THEMIS: variants seen among roughly 807,000 people sequenced by gnomAD.
THEMIS encodes the protein protein THEMIS.
A neutral mutation model predicts 52.6 loss-of-function variants in THEMIS; 37 were observed. That is an observed-to-expected ratio of 0.70 (90% CI 0.54 to 0.93). The LOEUF (loss-of-function observed/expected upper bound fraction) is 0.93. Ranked by LOEUF, THEMIS falls within the 40% of genes least tolerant of loss-of-function variation. The pLI, the probability that THEMIS is intolerant of heterozygous loss-of-function variation, is 0.00. For missense variants in THEMIS, 808 were observed against 763.1 expected (o/e 1.06, Z -0.69); for synonymous variants, 292 against 272.7 (o/e 1.07, Z -0.70).
At chr6:127,718,224 C>T (rs1307392637) in intron 5 of THEMIS, among the ~76,000 whole-genome samples, 1 of 151,754 alleles carries the variant, frequency 6.6e-6, no homozygotes, top group African/African-American at 2.4e-5. Context: ...AAAATATTGC[C>T]AAGATGTTCA....
At chr6:127,885,115 T>TA (rs200152348) in intron 1 of THEMIS, among the ~76,000 whole-genome samples, 6,557 of 152,212 alleles carry the variant, frequency 0.043, 199 homozygotes, top group Non-Finnish European at 0.06. Flanking sequence ...ACACATATTA[T>TA]AAAAATAATG....
At chr6:127,853,473 G>A (rs781122266) in intron 2 of THEMIS, among the ~76,000 whole-genome samples, 6 of 151,534 alleles carry the variant, frequency 4.0e-5, no homozygotes, top group Non-Finnish European at 8.9e-5. Context: ...CTAATGTGCA[G>A]CCAAATTTGA....
At chr6:127,750,251 T>C (rs1400620081) in intron 4 of THEMIS, among the ~76,000 whole-genome samples, 1 of 151,602 alleles carries the variant, frequency 6.6e-6, no homozygotes, top group Non-Finnish European at 1.5e-5. Flanking sequence ...GAAAAGATAT[T>C]TTCCCTTGAG....
chr6:127,854,322 A>G (rs1779527598), intron 2 of THEMIS, among the ~76,000 whole-genome samples: 1 of 151,838 alleles, frequency 6.6e-6, no homozygotes, highest in African/African-American at 2.4e-5. Flanking sequence ...GGTGTGACAG[A>G]GACCCTCTGG....
chr6:127,787,858 G>GAT (rs1554224566), intron 4 of THEMIS, among the ~76,000 whole-genome samples: 27 of 130,962 alleles, frequency 2.1e-4, no homozygotes, highest in East Asian at 1.1e-3. Flanking sequence ...GATATAGATA[G>GAT]ATAGATAGAT....
intron 1 of THEMIS, among the ~76,000 whole-genome samples, chr6:127,883,970 A>G (rs1780567840): frequency 6.6e-6 from 1 of 152,180 alleles, no homozygotes; most frequent in Non-Finnish European, 1.5e-5. Context: ...TAAAAAAAGA[A>G]CATGGCACAC....
chr6:127,791,036 C>T lies in THEMIS; in HGVS notation c.1758+21847G>A, dbSNP rs1276415190. ...GTCTGAAGGGCTGAAACTCTTCTCT[C>T]CTTCTTTCTTATCTTTTTCTTGTTG... On this transcript the variant is annotated intron_variant, in intron 4 of 5. Coordinates refer to ENST00000368248, the MANE Select transcript of THEMIS (RefSeq NM_001010923.3). Among the ~76,000 whole-genome samples, 3 of 152,214 alleles carry T rather than the reference C, an allele frequency of 2.0e-5. No individual in the cohort carries two copies. In the East Asian group the frequency reaches 5.8e-4, roughly 29 times the overall value.
chr6:127,798,572 G>T (rs1777409687), intron 4 of THEMIS, among the ~76,000 whole-genome samples: 1 of 152,156 alleles, frequency 6.6e-6, no homozygotes, highest in Non-Finnish European at 1.5e-5. Flanking sequence ...CAGTGTTCAT[G>T]TCTTGGGAAT....
At chr6:127,913,234 C>A (rs957369328) in intron 1 of THEMIS, among the ~76,000 whole-genome samples, 1 of 152,168 alleles carries the variant, frequency 6.6e-6, no homozygotes, top group East Asian at 1.9e-4. Context: ...CTCTTATACT[C>A]ATCACTTAAG....
rs17055131 is a variant in THEMIS at position 127,917,325 on chromosome 6, A to T, written c.-150+1103T>A. ...AGATGCTTCTAGTAACAACTTCTAT[A>T]TCAATTAGGATCCTTTGGTTGCAAG... is the stretch of plus-strand genomic sequence containing the variant. On this transcript the variant is annotated intron_variant, in intron 1 of 6. Transcript: ENST00000368250. Among the ~76,000 whole-genome samples the T allele has an allele frequency of 3.0e-3, 462 of 152,324 alleles. 2 individuals are homozygous for T. The highest frequency in any genetic ancestry group is 0.01 in the African/African-American group (429 of 41,564).
chr6:127,698,570 T>C, the THEMIS span, among the ~76,000 whole-genome samples: 163 of 152,236 alleles, frequency 1.1e-3, 1 homozygote, highest in African/African-American at 3.1e-3. Flanking sequence ...CCTCCTGTTA[T>C]AATGTTTATC....
At chr6:127,724,585 G>A (rs886929225) in intron 4 of THEMIS, among the ~76,000 whole-genome samples, 6 of 152,036 alleles carry the variant, frequency 3.9e-5, no homozygotes, top group African/African-American at 4.8e-5. Flanking sequence ...CGCTGTAGTC[G>A]TACTTCAAAA....
rs187707640 is a variant in THEMIS, at chr6:127,843,400, A to T, written c.250+11630T>A. 1.1e-3 allele frequency among the ~76,000 whole-genome samples: 164 copies of T among 152,028 alleles called. 1 individual carries two copies. The highest frequency in any genetic ancestry group is 3.8e-3 in the African/African-American group (159 of 41,524). On this transcript the variant is annotated intron_variant, in intron 2 of 5. Transcript: ENST00000368248. ...GTAGCCATTGTGCTGAGCACTTGAA[A>T]TGTGGCTACTTGAATTTGGACAGTC...
At chr6:127,894,536 A>G (rs1780906187) in intron 1 of THEMIS, among the ~76,000 whole-genome samples, 1 of 151,988 alleles carries the variant, frequency 6.6e-6, no homozygotes, top group Non-Finnish European at 1.5e-5. Context: ...ATAGTTTAAA[A>G]CACATTTATC....
chr6:127,782,100 AG>A (rs796638413), intron 4 of THEMIS, among the ~76,000 whole-genome samples: 69 of 152,236 alleles, frequency 4.5e-4, no homozygotes, highest in African/African-American at 1.6e-3. Flanking sequence ...TTACATTGTT[AG>A]GGGAAAACCG....
At chr6:127,766,812 A>C (rs1419994032) in intron 4 of THEMIS, among the ~76,000 whole-genome samples, 1 of 152,202 alleles carries the variant, frequency 6.6e-6, no homozygotes, top group African/African-American at 2.4e-5. Flanking sequence ...ACTATGAATG[A>C]AATTTGAAGG....
chr6:127,703,563 G>A (rs983902447), downstream of THEMIS, among the ~76,000 whole-genome samples: 1 of 152,096 alleles, frequency 6.6e-6, no homozygotes, highest in Non-Finnish European at 1.5e-5. Context: ...TTGAATGAGG[G>A]TCACATCAGC....
intron 4 of THEMIS, among the ~76,000 whole-genome samples, chr6:127,798,168 T>C (rs1259899642): frequency 6.6e-6 from 1 of 152,230 alleles, no homozygotes; most frequent in Non-Finnish European, 1.5e-5. Context: ...ATGATGAAAG[T>C]GCTCCTGATT....
chr6:127,821,151 T>C (rs1778325531), intron 3 of THEMIS, among the ~76,000 whole-genome samples: 1 of 149,814 alleles, frequency 6.7e-6, no homozygotes, highest in Admixed American at 6.8e-5. Flanking sequence ...GCTCTAATCA[T>C]GTGTGTGTGT....
Sources: gnomAD v4.1 joint callset for allele counts (sites outside exome capture counted in the v4.1 genomes callset) on GRCh38, gnomAD v4.1.1 for gene constraint, MANE v1.5 for transcripts, NCBI Gene and HGNC (gene_info 2026-07-23, HGNC 2026-07-21) for gene names.